The following PPP1R12B variants were observed in gnomAD, a reference collection of about 807,000 sequenced individuals.
PPP1R12B encodes protein phosphatase 1 regulatory subunit 12B.
PPP1R12B carries 76 observed loss-of-function variants against 126.1 expected under a neutral mutation model. The ratio of observed to expected loss-of-function variants is 0.60; its 90% CI spans 0.50 to 0.73. The LOEUF is 0.73. Among genes scored for constraint, PPP1R12B ranks in the 30% least tolerant of loss-of-function variants. The pLI is 0.00. For missense variants in PPP1R12B, 1,052 were observed against 1,205.1 expected (o/e 0.87, Z 1.88); for synonymous variants, 356 against 434.7 (o/e 0.82, Z 2.25).
intron 22 of PPP1R12B, among the ~76,000 whole-genome samples, chr1:202,568,850 T>G (rs1242951472): frequency 2.6e-5 from 4 of 152,218 alleles, no homozygotes; most frequent in Non-Finnish European, 4.4e-5. Context: ...CTATGAAATC[T>G]TCAACCTGCA....
intron 18 of PPP1R12B, among the ~76,000 whole-genome samples, chr1:202,507,948 T>A (rs1377021369): frequency 6.6e-6 from 1 of 152,206 alleles, no homozygotes; most frequent in East Asian, 1.9e-4. Context: ...AAGTCCTTTT[T>A]CAGCAAATGG....
chr1:202,502,898 G>C (rs1211269659), intron 18 of PPP1R12B: 1 of 152,054 alleles, frequency 6.6e-6, no homozygotes, highest in African/African-American at 2.4e-5. Context: ...CTTGAGGACA[G>C]GTTAAAAAAA....
Position 202,438,030 on chromosome 1 carries a change from G to A in PPP1R12B, c.1458+6G>A, listed in dbSNP as rs756292772. On this transcript the variant is annotated splice_donor_region_variant and intron_variant, in intron 10 of 23. Coordinates refer to ENST00000608999, the MANE Select transcript of PPP1R12B (RefSeq NM_002481.4). ...TACTGGACAACAAAGATAAGGTGCA[G>A]TTTGGGAGGGTATGGGGGAATTCCA... The A allele has an allele frequency of 2.0e-5, 33 of 1,613,750 alleles. No homozygotes were observed. Among genetic ancestry groups the A allele is most frequent in the Admixed American group, 5.0e-5 (3 of 59,986 alleles).
intron 18 of PPP1R12B, among the ~76,000 whole-genome samples, chr1:202,542,888 A>G (rs1245417518): frequency 1.3e-5 from 2 of 152,164 alleles, no homozygotes; most frequent in Non-Finnish European, 2.9e-5. Flanking sequence ...TTGTTTGTAT[A>G]CATACATACA....
At chr1:202,456,681 C>T (rs1040112081) in intron 13 of PPP1R12B, among the ~76,000 whole-genome samples, 1 of 152,196 alleles carries the variant, frequency 6.6e-6, no homozygotes, top group Non-Finnish European at 1.5e-5. Flanking sequence ...GAAATCTATA[C>T]AAGCGTCAGG....
chr1:202,358,693 A>G (rs1044798382), intron 1 of PPP1R12B, among the ~76,000 whole-genome samples: 1 of 152,174 alleles, frequency 6.6e-6, no homozygotes, highest in Non-Finnish European at 1.5e-5. Flanking sequence ...AAAAAAAAAA[A>G]AAAAACTGAA....
In PPP1R12B at chr1:202,389,372, C is replaced by T. The variant is rs183262322; in HGVS notation, c.292-27415C>T. ...TTTAAAAAATTTAACCGGCCGGGCG[C>T]GGTGGCTCATGCCTGTAATCCCAGC... On this transcript the variant is annotated intron_variant, in intron 1 of 23. Transcript: ENST00000608999. 9.9e-4 allele frequency among the ~76,000 whole-genome samples: 151 copies of T among 152,072 alleles called. 2 individuals are homozygous for T. Among genetic ancestry groups the T allele is most frequent in the Admixed American group, 6.9e-3 (105 of 15,280 alleles).
chr1:202,390,737 C>CT (rs1664023789), intron 1 of PPP1R12B, among the ~76,000 whole-genome samples: 2 of 151,530 alleles, frequency 1.3e-5, no homozygotes, highest in African/African-American at 4.9e-5. Context: ...TCAACTGATC[C>CT]TCCCACCTCA....
chr1:202,437,993 G>A lies in PPP1R12B; in HGVS notation c.1427G>A (p.Arg476Gln), dbSNP rs1247355747. The A allele has an allele frequency of 2.5e-6, 4 of 1,614,008 alleles. No homozygotes were observed. The highest frequency in any genetic ancestry group is 4.5e-5 in the East Asian group (2 of 44,868). The change falls in exon 10 of 24, where the codon CGG (arginine) becomes CAG (glutamine). Residue 476 changes from arginine to glutamine, a missense_variant. Arg to Gln is a conservative substitution (Grantham distance 43). Transcript: ENST00000608999. ...SSIYRSSSSP[R>Q]ISALLDNKDK... ...ATCTATCGCTCCTCTTCAAGCCCTCGGATTTCTGCTCTACTGGACAACAAA... is the reference window on the plus strand; with the variant it reads ...ATCTATCGCTCCTCTTCAAGCCCTCAGATTTCTGCTCTACTGGACAACAAA...
chr1:202,348,834 G>C lies in PPP1R12B; in HGVS notation c.-18G>C, dbSNP rs1655386178. The C allele has an allele frequency of 1.3e-6, 2 of 1,595,502 alleles. No individual in the cohort carries two copies. Among genetic ancestry groups the C allele is most frequent in the East Asian group, 2.2e-5 (1 of 44,684 alleles). ...TTTAGTGTTGGTAGTTTTGGCAGCA[G>C]CTGCCGAGGCCGGAGCAATGGCGGA... is the stretch of plus-strand genomic sequence containing the variant. On this transcript the variant is annotated 5_prime_UTR_variant, in exon 1 of 24. Coordinates refer to ENST00000608999, the MANE Select transcript of PPP1R12B (RefSeq NM_002481.4).
chr1:202,471,841 C>A lies in PPP1R12B; in HGVS notation c.1851-16692C>A, dbSNP rs934783364. The A allele has an allele frequency of 7.3e-5, 99 of 1,356,986 alleles. 1 individual carries two copies. Among genetic ancestry groups the A allele is most frequent in the Non-Finnish European group, 7.8e-5 (76 of 978,144 alleles). 84.1% of individuals were successfully genotyped at this position (1,356,986 alleles called of 1,614,324 possible). Reference sequence around the variant, plus strand: ...ATGTGTTTATTGAGATGGTTTCCCACTCATCTTGACTCAGAGTGCTTTTAG... The same window carrying A: ...ATGTGTTTATTGAGATGGTTTCCCAATCATCTTGACTCAGAGTGCTTTTAG... On this transcript the variant is annotated intron_variant, in intron 13 of 23. Transcript: ENST00000608999.
intron 18 of PPP1R12B, among the ~76,000 whole-genome samples, chr1:202,551,367 AC>A (rs1323481891): frequency 1.3e-4 from 20 of 152,280 alleles, no homozygotes; most frequent in African/African-American, 4.3e-4. Flanking sequence ...ATACTCTCTT[AC>A]ACATATGTAT....
Position 202,500,595 on chromosome 1 carries a change from TAGTC to T in PPP1R12B, c.2490+3776_2490+3779del, listed in dbSNP as rs1208373353. 2.6e-5 allele frequency among the ~76,000 whole-genome samples: 4 copies of T among 152,248 alleles called. No homozygotes were observed. In the East Asian group the frequency reaches 5.8e-4, roughly 22 times the overall value. On this transcript the variant is annotated intron_variant, in intron 18 of 23. Transcript: ENST00000608999. ...GTTACTGGAGTCTGGAAAAGGGAGA[TAGTC>T]AGAGGTTGGTTAACAGATATAAAAT...
At chr1:202,415,962 T>G (rs1196317285) in intron 1 of PPP1R12B, among the ~76,000 whole-genome samples, 1 of 152,142 alleles carries the variant, frequency 6.6e-6, no homozygotes, top group African/African-American at 2.4e-5. Flanking sequence ...AATGAAGGAA[T>G]GAATTTTTTT....
intron 18 of PPP1R12B, among the ~76,000 whole-genome samples, chr1:202,542,589 C>G (rs1408421544): frequency 1.3e-5 from 2 of 152,158 alleles, no homozygotes; most frequent in Non-Finnish European, 2.9e-5. Flanking sequence ...GATGGAGACA[C>G]AGGAAACTGA....
rs1157350867 is a variant in PPP1R12B at position 202,434,683 on chromosome 1, A to T, written c.1169A>T (p.His390Leu). Residue 390 changes from histidine to leucine, a missense_variant, in exon 9 of 24, where the codon CAT (histidine) becomes CTT (leucine). By Grantham distance (99) the His-to-Leu change is moderately conservative (BLOSUM62 -3). Coordinates refer to ENST00000608999, the MANE Select transcript of PPP1R12B (RefSeq NM_002481.4). The stretch of plus-strand genomic sequence containing the variant: ...AAAAAGCCAGAAGCCTTTGTCAATC[A>T]TTCCAACTCTGAAAGCAAGAGTAGT... ...ADKKPEAFVN[H>L]SNSESKSSIT... is the part of the protein sequence containing the mutation. 5.6e-6 allele frequency: 9 copies of T among 1,613,100 alleles called. No homozygotes were observed. The Admixed American group carries it at 1.3e-4, about 24-fold the overall frequency.
chr1:202,373,393 C>T (rs1411431129), intron 1 of PPP1R12B, among the ~76,000 whole-genome samples: 3 of 152,112 alleles, frequency 2.0e-5, no homozygotes, highest in Admixed American at 2.0e-4. Flanking sequence ...ACTATTGCCT[C>T]TTCCCAAGTC....
At chr1:202,568,103 C>T (rs1286135241) in intron 22 of PPP1R12B, among the ~76,000 whole-genome samples, 3 of 152,100 alleles carry the variant, frequency 2.0e-5, no homozygotes, top group South Asian at 4.2e-4. Flanking sequence ...GTACATTGTT[C>T]TGACTGTGGG....
At chr1:202,537,564 G>T (rs1013491665) in intron 18 of PPP1R12B, among the ~76,000 whole-genome samples, 1 of 152,162 alleles carries the variant, frequency 6.6e-6, no homozygotes, top group Non-Finnish European at 1.5e-5. Context: ...AAAAGAGTTT[G>T]TCATTGTTAC....
Sources: allele counts gnomAD v4.1 joint callset (sites outside exome capture counted in the v4.1 genomes callset), GRCh38; gene constraint gnomAD v4.1.1; transcripts MANE v1.5; gene names NCBI Gene and HGNC (gene_info 2026-07-23, HGNC 2026-07-21).